VTCN1: variants seen among roughly 807,000 people sequenced by gnomAD.
VTCN1 encodes the protein V-set domain-containing T-cell activation inhibitor 1.
In VTCN1, 26 loss-of-function variants were observed where a neutral mutation model predicts 26.5. The observed-to-expected ratio is 0.98, with a 90% CI of 0.72 to 1.36. VTCN1 has a LOEUF of 1.36. Ranked by LOEUF, VTCN1 falls within the 40% of genes most tolerant of loss-of-function variation. VTCN1 has a pLI of 0.00. For missense variants in VTCN1, 298 were observed against 337.7 expected (o/e 0.88, Z 0.92); for synonymous variants, 116 against 130.7 (o/e 0.89, Z 0.77).
chr1:117,180,229 C>A (rs868229664), intron 1 of VTCN1, among the ~76,000 whole-genome samples: 1 of 152,122 alleles, frequency 6.6e-6, no homozygotes, highest in South Asian at 2.1e-4. Flanking sequence ...TTCCTTAAAC[C>A]GTATTTGAGT....
In VTCN1 at chr1:117,156,803, C is replaced by T. The variant is rs1472229880; in HGVS notation, c.216G>A (p.Leu72=). The T allele has an allele frequency of 1.9e-6, 3 of 1,614,024 alleles. No individual in the cohort carries two copies. The highest frequency in any genetic ancestry group is 2.5e-6 in the Non-Finnish European group (3 of 1,180,030). The part of the protein sequence containing the change: ...IKLSDIVIQW[L]KEGVLGLVHE... Reference sequence around the variant, plus strand: ...GGACCAAGCCTAAAACACCTTCCTTCAGCCATTGTATCACGATATCAGAAA... The same window carrying T: ...GGACCAAGCCTAAAACACCTTCCTTTAGCCATTGTATCACGATATCAGAAA... The change falls in exon 3 of 6, where the codon CTG becomes CTA. Residue 72 remains leucine (L), a synonymous_variant. Coordinates refer to ENST00000369458, the MANE Select transcript of VTCN1 (RefSeq NM_024626.4).
chr1:117,144,637 A>G lies in VTCN1; in HGVS notation c.*634T>C, dbSNP rs536346413. 2.7e-4 allele frequency: 41 copies of G among 152,572 alleles called. No individual in the cohort carries two copies. The highest frequency in any genetic ancestry group is 9.4e-4 in the African/African-American group (39 of 41,568). The allele number at this position is 152,572 out of a possible 1,614,324, so 9.5% of individuals were successfully genotyped here. On this transcript the variant is annotated 3_prime_UTR_variant, in exon 6 of 6. Transcript: ENST00000369458. ...TGTCGCCGACTGCTCTGTTTATGCTAAAATTATGATCATTTTTCTCAACTT... is the reference window on the plus strand; with the variant it reads ...TGTCGCCGACTGCTCTGTTTATGCTGAAATTATGATCATTTTTCTCAACTT...
chr1:117,197,212 A>G (rs879897513), intron 1 of VTCN1, among the ~76,000 whole-genome samples: 9 of 152,220 alleles, frequency 5.9e-5, no homozygotes, highest in Non-Finnish European at 1.2e-4. Flanking sequence ...AAAGTCAAGC[A>G]TTTCATTGAC....
chr1:117,149,253 A>T, intron 4 of VTCN1, among the ~76,000 whole-genome samples: 1 of 150,836 alleles, frequency 6.6e-6, no homozygotes, highest in Non-Finnish European at 1.5e-5. Flanking sequence ...TAAAACCCTT[A>T]TCTACTCCCC....
rs1468909709 is a variant in VTCN1 at position 117,144,134 on chromosome 1, T to A, written c.*1137A>T. 1 of 152,258 alleles carries A rather than the reference T, an allele frequency of 6.6e-6. No homozygotes were observed. The highest frequency in any genetic ancestry group is 1.5e-5 in the Non-Finnish European group (1 of 68,066). 9.4% of individuals were successfully genotyped at this position (152,258 alleles called of 1,614,324 possible). A position where few individuals can be genotyped will look rare whatever the true frequency, so the allele number is the denominator to read the frequency against. ...AATGCTTATTTGCCAATGACTAATG[T>A]GAGGAAGCAGACAGATTTGTTGGCT... On this transcript the variant is annotated 3_prime_UTR_variant, in exon 6 of 6. Transcript: ENST00000369458.
intron 2 of VTCN1, among the ~76,000 whole-genome samples, chr1:117,157,466 A>G (rs979042144): frequency 3.3e-5 from 5 of 152,092 alleles, no homozygotes; most frequent in African/African-American, 4.8e-5. Context: ...GAAAAATGAG[A>G]AAGATGCAAA....
intron 1 of VTCN1, among the ~76,000 whole-genome samples, chr1:117,191,447 A>T (rs1648241159): frequency 6.6e-6 from 1 of 152,140 alleles, no homozygotes; most frequent in Non-Finnish European, 1.5e-5. Flanking sequence ...TGCAGCCAGG[A>T]GTTTGAGACC....
chr1:117,206,495 G>A (rs1401421155), intron 1 of VTCN1, among the ~76,000 whole-genome samples: 1 of 152,174 alleles, frequency 6.6e-6, no homozygotes, highest in East Asian at 1.9e-4. Context: ...CCATTTCATA[G>A]ATAGGGCAAT....
At chr1:117,190,968 A>G (rs1349107598) in intron 1 of VTCN1, among the ~76,000 whole-genome samples, 1 of 152,254 alleles carries the variant, frequency 6.6e-6, no homozygotes, top group Non-Finnish European at 1.5e-5. Context: ...TAAAATAATC[A>G]TCTTAAAGAA....
intron 1 of VTCN1, among the ~76,000 whole-genome samples, chr1:117,174,316 C>G (rs1236888163): frequency 6.6e-6 from 1 of 152,138 alleles, no homozygotes; most frequent in Non-Finnish European, 1.5e-5. Flanking sequence ...TTATTAAGTA[C>G]TTACTATGTG....
intron 1 of VTCN1, among the ~76,000 whole-genome samples, chr1:117,185,771 CTT>C (rs1179942482): frequency 1.3e-5 from 2 of 152,016 alleles, no homozygotes; most frequent in Non-Finnish European, 2.9e-5. Context: ...GATAGTAACT[CTT>C]TCAACCATTT....
At chr1:117,210,624 G>T (rs924533291) in intron 1 of VTCN1, among the ~76,000 whole-genome samples, 200 bp downstream of exon 1, 3 of 152,204 alleles carry the variant, frequency 2.0e-5, no homozygotes, top group Non-Finnish European at 4.4e-5. Context: ...ACCCTGAACA[G>T]GTGCCTTGAG....
chr1:117,152,315 T>C (rs1033960558), intron 4 of VTCN1, among the ~76,000 whole-genome samples: 6 of 152,210 alleles, frequency 3.9e-5, no homozygotes, highest in Admixed American at 6.5e-5. Flanking sequence ...ATGTGTAAGG[T>C]ATTTTGTGCC....
intron 1 of VTCN1, among the ~76,000 whole-genome samples, chr1:117,171,809 G>A (rs185361763): frequency 6.6e-6 from 1 of 152,336 alleles, no homozygotes; most frequent in African/African-American, 2.4e-5. Flanking sequence ...AAGTCACACA[G>A]TTGGCAAGTG....
At chr1:117,172,326 C>T (rs781547823) in intron 1 of VTCN1, 5 of 518,356 alleles carry the variant, frequency 9.6e-6, no homozygotes, top group Non-Finnish European at 1.9e-5. Context: ...CACAAGGCAG[C>T]AAGCGAAGCT....
chr1:117,157,896 T>C (rs1279202735), intron 2 of VTCN1, among the ~76,000 whole-genome samples: 2 of 152,142 alleles, frequency 1.3e-5, no homozygotes, highest in African/African-American at 2.4e-5. Flanking sequence ...TCATTCCAAA[T>C]GGGAGAAATT....
chr1:117,171,507 C>T (rs1439611688), intron 1 of VTCN1, among the ~76,000 whole-genome samples: 16 of 152,232 alleles, frequency 1.1e-4, no homozygotes, highest in Admixed American at 1.0e-3. Context: ...ACAGCCTCGC[C>T]TGCATGTGTT....
At chr1:117,158,273 C>G (rs960943458) in intron 2 of VTCN1, among the ~76,000 whole-genome samples, 8 of 152,236 alleles carry the variant, frequency 5.3e-5, no homozygotes, top group Non-Finnish European at 8.8e-5. Flanking sequence ...CAGAAGTTCT[C>G]CATGAGAGCC....
chr1:117,169,786 T>C lies in VTCN1; in HGVS notation c.97+321A>G, dbSNP rs2101517057. On this transcript the variant is annotated intron_variant, in intron 2 of 5. Coordinates refer to ENST00000369458, the MANE Select transcript of VTCN1 (RefSeq NM_024626.4). This position sits in a 1 kb window ranked among gnomAD's most constrained non-coding sequence, Gnocchi z 4.0. ...TGCACATGCCTGTAGTCCTAGCTAC[T>C]TGGGAGGCTGAGGTGAGAGGATGGC... 6.6e-6 allele frequency among the ~76,000 whole-genome samples: 1 copy of C among 152,148 alleles called. No individual in the cohort carries two copies. The highest frequency in any genetic ancestry group is 2.1e-4 in the South Asian group (1 of 4,808).
Sources: allele counts gnomAD v4.1 joint callset (sites outside exome capture counted in the v4.1 genomes callset), GRCh38; gene constraint gnomAD v4.1.1; non-coding constraint Gnocchi (gnomAD v3.1); transcripts MANE v1.5; gene names NCBI Gene and HGNC (gene_info 2026-07-23, HGNC 2026-07-21).